STX18: variants seen among roughly 807,000 people sequenced by gnomAD.
STX18 encodes the protein syntaxin-18.
Under a neutral mutation model 50.1 loss-of-function variants are expected in STX18, and 40 were observed. The ratio of observed to expected loss-of-function variants is 0.80; its 90% CI spans 0.62 to 1.04. The LOEUF (loss-of-function observed/expected upper bound fraction) is 1.04, where lower values mean the gene tolerates loss of function less well. Ranked by LOEUF, STX18 falls within the 50% of genes least tolerant of loss-of-function variation. The pLI is 0.00. For missense variants in STX18, 410 were observed against 415.8 expected, an observed-to-expected ratio of 0.99 and a Z score of 0.12; for synonymous variants, 158 against 151.8, an observed-to-expected ratio of 1.04 and a Z score of -0.30.
chr4:4,531,526 C>G (rs1159168641), intron 1 of STX18, among the ~76,000 whole-genome samples: 2 of 152,162 alleles, frequency 1.3e-5, no homozygotes, highest in Non-Finnish European at 2.9e-5. Flanking sequence ...TATACAATGG[C>G]TCTCGAGGCC....
At chr4:4,445,401 C>T (rs116226674) in intron 5 of STX18, among the ~76,000 whole-genome samples, 1,846 of 151,444 alleles carry the variant, frequency 0.012, 30 homozygotes, top group African/African-American at 0.042. Context: ...AACGAAACTA[C>T]GTCTCAACAA....
At chr4:4,462,915 C>A (rs919311704) in intron 2 of STX18, among the ~76,000 whole-genome samples, 1 of 152,168 alleles carries the variant, frequency 6.6e-6, no homozygotes, top group African/African-American at 2.4e-5. Flanking sequence ...AGATGAGAAT[C>A]CATGCTGCAG....
intron 1 of STX18, among the ~76,000 whole-genome samples, chr4:4,493,369 G>A (rs1026803059): frequency 2.1e-5 from 3 of 140,714 alleles, no homozygotes; most frequent in Non-Finnish European, 3.0e-5. Flanking sequence ...TCAAGACATC[G>A]TGGTACACGT....
chr4:4,507,364 G>A (rs1161323945), intron 1 of STX18: 16 of 753,052 alleles, frequency 2.1e-5, no homozygotes, highest in Admixed American at 2.1e-4. Flanking sequence ...TGAAGTTGGT[G>A]GTGGTCAGAA....
intron 8 of STX18, 115 bp downstream of exon 8, chr4:4,425,049 C>T: frequency 1.1e-6 from 1 of 925,814 alleles, no homozygotes; most frequent in Middle Eastern, 2.1e-4. Flanking sequence ...CTGAGGGGGG[C>T]TGCACCAGCC....
chr4:4,434,659 A>G (rs960737451), intron 7 of STX18, 111 bp downstream of exon 7: 2 of 796,488 alleles, frequency 2.5e-6, no homozygotes, highest in Non-Finnish European at 3.9e-6. Flanking sequence ...TATAATTTTT[A>G]AAACTCAGTA....
At chr4:4,501,710 T>C (rs763331690) in intron 1 of STX18, among the ~76,000 whole-genome samples, 19 of 152,258 alleles carry the variant, frequency 1.2e-4, no homozygotes, top group Non-Finnish European at 2.5e-4. Flanking sequence ...CTTGCTTCTC[T>C]GGAAGCAGAT....
In STX18 at chr4:4,420,562, G is replaced by C. The variant is rs1401629210; in HGVS notation, c.912+302C>G. 1 of 428,642 alleles carries C rather than the reference G, an allele frequency of 2.3e-6. No homozygotes were observed. The highest frequency in any genetic ancestry group is 4.3e-5 in the East Asian group (1 of 23,318). 26.6% of individuals were successfully genotyped at this position (428,642 alleles called of 1,614,324 possible). A position where few individuals can be genotyped will look rare whatever the true frequency, so the allele number is the denominator to read the frequency against. Reference sequence around the variant, plus strand: ...CTCTGACCCCTCGGTGGGGGCCAACGAGCTACCCATGTACATCCCTGGACA... The same window carrying C: ...CTCTGACCCCTCGGTGGGGGCCAACCAGCTACCCATGTACATCCCTGGACA... On this transcript the variant is annotated intron_variant, in intron 10 of 10. Coordinates refer to ENST00000306200, the MANE Select transcript of STX18 (RefSeq NM_016930.4). This position sits in a 1 kb window ranked among gnomAD's most constrained non-coding sequence, Gnocchi z 4.3.
Position 4,516,969 on chromosome 4 carries a change from C to T in STX18, c.168+24828G>A, listed in dbSNP as rs550499994. Among the ~76,000 whole-genome samples, 9 of 152,302 alleles carry T rather than the reference C, an allele frequency of 5.9e-5. No homozygotes were observed. The South Asian group carries it at 1.5e-3, about 25-fold the overall frequency. ...TATTAAAACGATTTATGCAATAGCGCTATACACAAAATTTGTATGAACATT... is the reference window on the plus strand; with the variant it reads ...TATTAAAACGATTTATGCAATAGCGTTATACACAAAATTTGTATGAACATT... On this transcript the variant is annotated intron_variant, in intron 1 of 10. Coordinates refer to ENST00000306200, the MANE Select transcript of STX18 (RefSeq NM_016930.4).
chr4:4,471,756 T>G lies in STX18; in HGVS notation c.169-50A>C, dbSNP rs370848426. The G allele has an allele frequency of 9.1e-5, 117 of 1,282,802 alleles. No individual in the cohort carries two copies. The African/African-American group carries it at 1.6e-3, about 18-fold the overall frequency. 79.5% of individuals were successfully genotyped at this position (1,282,802 alleles called of 1,614,324 possible). On this transcript the variant is annotated intron_variant, in intron 1 of 10. Coordinates refer to ENST00000306200, the MANE Select transcript of STX18 (RefSeq NM_016930.4). Reference sequence around the variant, plus strand: ...AGTTTATATAGATATGTTACACTCATGTAATGAATTTTAAATTAATAGAGA... The same window carrying G: ...AGTTTATATAGATATGTTACACTCAGGTAATGAATTTTAAATTAATAGAGA...
intron 1 of STX18, among the ~76,000 whole-genome samples, chr4:4,532,933 G>GA (rs59993629): frequency 0.22 from 33,849 of 152,130 alleles, 4,167 homozygotes; most frequent in African/African-American, 0.34. Flanking sequence ...TTGTGAAATG[G>GA]AAGTGTCTCT....
At chr4:4,461,746 C>CG (rs951421168) in intron 2 of STX18, among the ~76,000 whole-genome samples, 4 of 152,150 alleles carry the variant, frequency 2.6e-5, no homozygotes, top group Non-Finnish European at 2.9e-5. Flanking sequence ...CCTGGGCTAC[C>CG]GGGGGGAATG....
chr4:4,534,404 A>G (rs2108928368), intron 1 of STX18, among the ~76,000 whole-genome samples: 1 of 152,336 alleles, frequency 6.6e-6, no homozygotes, highest in South Asian at 2.1e-4. Flanking sequence ...AAAGCTGGAA[A>G]TTATTCTACC....
chr4:4,435,899 C>T (rs1187080847), intron 6 of STX18, among the ~76,000 whole-genome samples: 1 of 152,118 alleles, frequency 6.6e-6, no homozygotes, highest in Non-Finnish European at 1.5e-5. Context: ...CAGTTCATCA[C>T]CGGGGTAGGG....
Position 4,419,478 on chromosome 4 carries a change from G to C in STX18, c.*556C>G, listed in dbSNP as rs960028629. The C allele has an allele frequency of 6.6e-6, 1 of 152,530 alleles. No homozygotes were observed. The highest frequency in any genetic ancestry group is 2.4e-5 in the African/African-American group (1 of 41,462). 9.4% of individuals were successfully genotyped at this position (152,530 alleles called of 1,614,324 possible). On this transcript the variant is annotated 3_prime_UTR_variant, in exon 11 of 11. Transcript: ENST00000306200. The stretch of plus-strand genomic sequence containing the variant: ...CTTAGACTCATTGACAACACATTAA[G>C]GGGCTGTAATTATATTTATTAGATT...
intron 1 of STX18, among the ~76,000 whole-genome samples, chr4:4,485,185 G>A (rs1728646865): frequency 6.6e-6 from 1 of 152,152 alleles, no homozygotes; most frequent in African/African-American, 2.4e-5. Flanking sequence ...TCATCTCTGA[G>A]GTATAAACTT....
At chr4:4,422,596 A>G (rs1052601253) in intron 9 of STX18, among the ~76,000 whole-genome samples, 1 of 151,856 alleles carries the variant, frequency 6.6e-6, no homozygotes, top group African/African-American at 2.4e-5. Context: ...AAAAGAAAAA[A>G]AAAGAAAAGA....
At chr4:4,442,803 T>TAAAAAA (rs71169645) in intron 5 of STX18, among the ~76,000 whole-genome samples, 1 of 100,642 alleles carries the variant, frequency 9.9e-6, no homozygotes. Flanking sequence ...ACAAGTTTAT[T>TAAAAAA]AAAAAAAAAA....
At chr4:4,433,301 A>T (rs527770329) in intron 7 of STX18, among the ~76,000 whole-genome samples, 211 of 152,204 alleles carry the variant, frequency 1.4e-3, no homozygotes, top group African/African-American at 4.9e-3. Context: ...ATTACTGATG[A>T]TCCCATTTTA....
Sources: allele counts gnomAD v4.1 joint callset (sites outside exome capture counted in the v4.1 genomes callset), GRCh38; gene constraint gnomAD v4.1.1; non-coding constraint Gnocchi (gnomAD v3.1); transcripts MANE v1.5; gene names NCBI Gene and HGNC (gene_info 2026-07-23, HGNC 2026-07-21).